WDHD1: variants seen among roughly 807,000 people sequenced by gnomAD.
WDHD1 encodes the protein WD repeat and HMG-box DNA binding protein 1, also known as WD repeat and HMG-box DNA-binding protein 1.
A neutral mutation model predicts 135.4 loss-of-function variants in WDHD1; 111 were observed. The observed-to-expected ratio is 0.82, with a 90% CI of 0.70 to 0.96. The LOEUF (loss-of-function observed/expected upper bound fraction) is 0.96. Ranked by LOEUF, WDHD1 falls within the 40% of genes least tolerant of loss-of-function variation. The pLI, the probability that WDHD1 is intolerant of heterozygous loss-of-function variation, is 0.00. For synonymous variants in WDHD1, 434 were observed against 439.0 expected, an observed-to-expected ratio of 0.99 and a Z score of 0.14; for missense variants, 1,351 against 1,336.3, an observed-to-expected ratio of 1.01 and a Z score of -0.17.
intron 6 of WDHD1, 105 bp downstream of exon 6, chr14:55,008,211 C>T: frequency 1.7e-6 from 2 of 1,155,346 alleles, no homozygotes; most frequent in Non-Finnish European, 2.5e-6. Flanking sequence ...ACCAAAGAAA[C>T]AAATTCCAAA....
intron 11 of WDHD1, among the ~76,000 whole-genome samples, chr14:54,991,613 C>T (rs1333521078): frequency 1.3e-5 from 2 of 152,138 alleles, no homozygotes; most frequent in African/African-American, 2.4e-5. Flanking sequence ...GCAGTGGCAC[C>T]TAACTGTATT....
intron 12 of WDHD1, 66 bp downstream of exon 12, chr14:54,991,147 A>G (rs961416899): frequency 1.2e-6 from 1 of 863,888 alleles, no homozygotes; most frequent in Non-Finnish European, 1.8e-6. Context: ...ATCCAAAAAA[A>G]TTAACTATAG....
intron 2 of WDHD1, among the ~76,000 whole-genome samples, chr14:55,018,974 G>A (rs956511245): frequency 6.6e-6 from 1 of 152,172 alleles, no homozygotes; most frequent in Non-Finnish European, 1.5e-5. Flanking sequence ...AGTGGGCCGA[G>A]ATGGTGCCAT....
intron 11 of WDHD1, among the ~76,000 whole-genome samples, chr14:54,992,685 A>C (rs2041811369): frequency 1.3e-5 from 2 of 152,012 alleles, no homozygotes; most frequent in African/African-American, 4.8e-5. Context: ...GAGGCTGGGG[A>C]GGGAATATCA....
rs1018281159 is a variant in WDHD1 at position 55,008,680 on chromosome 14, G to A, written c.381C>T (p.Ser127=). 5.6e-6 allele frequency: 9 copies of A among 1,613,252 alleles called. No homozygotes were observed. The highest frequency in any genetic ancestry group is 7.6e-6 in the Non-Finnish European group (9 of 1,179,834). ...CATGTCCTCGAAATGTTTTCTGTTG[G>A]CTGCTATCCATCACATCCACAATTT... ...LVKIVDVMDS[S]QQKTFRGHDA... is the part of the protein sequence containing the mutation. Residue 127 remains serine, a synonymous_variant, in exon 5 of 26, where the codon AGC becomes AGT. Transcript: ENST00000360586.
intron 5 of WDHD1, 70 bp from the exon 6 acceptor site, chr14:55,008,436 T>C: frequency 6.5e-7 from 1 of 1,534,450 alleles, no homozygotes; most frequent in Non-Finnish European, 8.9e-7. Flanking sequence ...GTTCAATTAA[T>C]TAAATCAAAA....
chr14:55,024,306 C>T (rs556016690), intron 2 of WDHD1, among the ~76,000 whole-genome samples: 1 of 152,298 alleles, frequency 6.6e-6, no homozygotes, highest in South Asian at 2.1e-4. Flanking sequence ...ACTCAATCTC[C>T]ACCCACAGCT....
chr14:54,979,787 GTAAC>G (rs1595087923), intron 16 of WDHD1, among the ~76,000 whole-genome samples: 1 of 152,176 alleles, frequency 6.6e-6, no homozygotes, highest in Non-Finnish European at 1.5e-5. Flanking sequence ...TCTCCGTGAG[GTAAC>G]TATTATTGTT....
At chr14:54,960,179 T>C (rs2041227960) in intron 21 of WDHD1, among the ~76,000 whole-genome samples, 1 of 152,190 alleles carries the variant, frequency 6.6e-6, no homozygotes, top group South Asian at 2.1e-4. Context: ...TGTTTATTTA[T>C]TTATTTGAGA....
In WDHD1 at chr14:55,002,150, T is replaced by C. The variant is rs751860191; in HGVS notation, c.636A>G (p.Leu212=). The C allele has an allele frequency of 1.0e-5, 16 of 1,605,268 alleles. No individual in the cohort carries two copies. The Admixed American group carries it at 2.3e-4, about 23-fold the overall frequency. Residue 212 remains leucine, a synonymous_variant, in exon 8 of 26, where the codon CTA becomes CTG. Transcript: ENST00000360586. Reference sequence around the variant, plus strand: ...GATGACTCCAAGATTCTCTTCTATATAGCTTAACAGATTTTTCCACAGGAA... The same window carrying C: ...GATGACTCCAAGATTCTCTTCTATACAGCTTAACAGATTTTTCCACAGGAA... The part of the protein sequence containing the change: ...LAIPVEKSVK[L]YRRESWSHQF...
At chr14:54,971,712 CAAAAAAA>C (rs1195129802) in intron 16 of WDHD1, among the ~76,000 whole-genome samples, 1 of 42,278 alleles carries the variant, frequency 2.4e-5, no homozygotes, top group African/African-American at 9.1e-5. Flanking sequence ...GACTCTGCCT[CAAAAAAA>C]AAAAAAAAAA....
At chr14:54,961,220 G>A (rs988359583) in intron 21 of WDHD1, among the ~76,000 whole-genome samples, 1 of 151,978 alleles carries the variant, frequency 6.6e-6, no homozygotes, top group Non-Finnish European at 1.5e-5. Flanking sequence ...ACCGGGTGTG[G>A]TGGCTCACAC....
chr14:55,023,461 G>A (rs983527132), intron 2 of WDHD1, among the ~76,000 whole-genome samples: 2 of 152,208 alleles, frequency 1.3e-5, no homozygotes, highest in African/African-American at 4.8e-5. Context: ...CGCAACTGCA[G>A]ACCTCAATCT....
In WDHD1 at chr14:55,013,494, A is replaced by G; in HGVS notation, c.180T>C (p.Cys60=). 4 of 1,612,012 alleles carry G rather than the reference A, an allele frequency of 2.5e-6. No individual in the cohort carries two copies. Among genetic ancestry groups the G allele is most frequent in the Non-Finnish European group, 3.4e-6 (4 of 1,178,168 alleles). Reference sequence around the variant, plus strand: ...TAACTGTTTTTACTACCTTCAAAGCACATGAATATGCCTTTTCTCCAACAT... The same window carrying G: ...TAACTGTTTTTACTACCTTCAAAGCGCATGAATATGCCTTTTCTCCAACAT... The part of the protein sequence containing the change: ...FINVGEKAYS[C]ALKSGKLVTA... The change falls in exon 3 of 26, where the codon TGT becomes TGC. Residue 60 remains cysteine, a synonymous_variant. Transcript: ENST00000360586.
chr14:54,998,728 C>A (rs897470748), intron 10 of WDHD1, among the ~76,000 whole-genome samples: 1 of 152,082 alleles, frequency 6.6e-6, no homozygotes, highest in Non-Finnish European at 1.5e-5. Context: ...CCACCCCAAC[C>A]GCCATGCTTG....
rs777733614 is a variant in WDHD1 at position 54,962,933 on chromosome 14, C to A, written c.2531+19G>T. On this transcript the variant is annotated intron_variant, in intron 19 of 25. Coordinates refer to ENST00000360586, the MANE Select transcript of WDHD1 (RefSeq NM_007086.4). ...TCAAGACAGTAAAGGAAAATTCAAA[C>A]AACTAAATTATTTCTTACCCAGCAT... is the stretch of plus-strand genomic sequence containing the variant. The A allele has an allele frequency of 6.2e-7, 1 of 1,613,012 alleles. No homozygotes were observed. The highest frequency in any genetic ancestry group is 1.1e-5 in the South Asian group (1 of 91,050).
intron 24 of WDHD1, among the ~76,000 whole-genome samples, chr14:54,945,186 C>T (rs1240126728): frequency 2.0e-5 from 3 of 152,200 alleles, no homozygotes; most frequent in Admixed American, 2.0e-4. Flanking sequence ...GCCATCGCCT[C>T]ACCCTTGCTC....
chr14:54,955,949 G>A (rs1000957274), intron 23 of WDHD1, among the ~76,000 whole-genome samples: 1 of 145,746 alleles, frequency 6.9e-6, no homozygotes, highest in African/African-American at 2.6e-5. Flanking sequence ...CCAGGCTGGA[G>A]TGCAGTGGCG....
intron 4 of WDHD1, 47 bp from the exon 5 acceptor site, chr14:55,008,766 G>T: frequency 2.3e-6 from 3 of 1,313,366 alleles, no homozygotes; most frequent in South Asian, 2.6e-5. Context: ...TAACACAAAG[G>T]CCTCTCCTAA....
Sources: allele counts gnomAD v4.1 joint callset (sites outside exome capture counted in the v4.1 genomes callset), GRCh38; gene constraint gnomAD v4.1.1; transcripts MANE v1.5; gene names NCBI Gene and HGNC (gene_info 2026-07-23, HGNC 2026-07-21).